MAF: variants seen among roughly 807,000 people sequenced by gnomAD.
The protein encoded by MAF is MAF bZIP transcription factor, also known as transcription factor Maf.
A neutral mutation model predicts 22.0 loss-of-function variants in MAF; 10 were observed. The observed-to-expected ratio is 0.45, with a 90% CI of 0.28 to 0.77. MAF has a LOEUF of 0.77. Among genes scored for constraint, MAF ranks in the 30% least tolerant of loss-of-function variants. MAF has a pLI of 0.12. For synonymous variants in MAF, 337 were observed against 255.8 expected (o/e 1.32, Z -3.03); for missense variants, 544 against 548.4 (o/e 0.99, Z 0.08).
At chr16:79,419,506 G>A in the MAF span, among the ~76,000 whole-genome samples, 1 of 152,204 alleles carries the variant, frequency 6.6e-6, no homozygotes, top group African/African-American at 2.4e-5. Flanking sequence ...GCTTATTGAT[G>A]AGCCTGTTTC....
chr16:79,212,085 T>G, the MAF span: 11 of 1,536,310 alleles, frequency 7.2e-6, no homozygotes, highest in South Asian at 5.9e-5. Context: ...CGTATCTCCC[T>G]GGAGAAGCAC....
rs766881042 is a variant in MAF at position 79,594,509 on chromosome 16, G to A, written c.1163C>T (p.Thr388Ile). The A allele has an allele frequency of 1.9e-6, 3 of 1,567,430 alleles. No individual in the cohort carries two copies. Among genetic ancestry groups the A allele is most frequent in the Non-Finnish European group, 2.6e-6 (3 of 1,153,316 alleles). The change falls in exon 2 of 2, where the codon ACA becomes ATA. Residue 388 changes from threonine to isoleucine, a missense_variant. By Grantham distance (89) the Thr-to-Ile change is moderately conservative. Around this residue, in one of 5 missense-constraint regions of MAF, gnomAD observed 129 missense variants for 113.6 expected, o/e 1.14. Coordinates refer to ENST00000326043, the MANE Select transcript of MAF (RefSeq NM_005360.5). ...RKLEPSVGYA[T>I]FWKPQHRVLT... ...TACACGATGCTGGGGCTTCCAAAAT[G>A]TGGCGTATCCCACTGATGGCTCCAA...
chr16:79,467,911 G>T, the MAF span, among the ~76,000 whole-genome samples: 1 of 151,422 alleles, frequency 6.6e-6, no homozygotes, highest in African/African-American at 2.4e-5. Context: ...TCTCAAGTAA[G>T]TGCATGATGC....
the MAF span, among the ~76,000 whole-genome samples, chr16:79,237,746 G>A: frequency 6.6e-6 from 1 of 152,250 alleles, no homozygotes; most frequent in East Asian, 1.9e-4. Context: ...TATTTGCAGG[G>A]TGCTTACTGT....
chr16:79,253,436 C>T, the MAF span, among the ~76,000 whole-genome samples: 2 of 152,328 alleles, frequency 1.3e-5, no homozygotes, highest in Admixed American at 6.5e-5. Context: ...AACTCCTCCC[C>T]TAGGTTCCCC....
At chr16:79,502,357 C>T in the MAF span, among the ~76,000 whole-genome samples, 1 of 152,084 alleles carries the variant, frequency 6.6e-6, no homozygotes, top group Middle Eastern at 3.2e-3. Flanking sequence ...TTAAGAACAA[C>T]GTGAAAAACA....
chr16:79,565,506 T>G, the MAF span, among the ~76,000 whole-genome samples: 2 of 149,072 alleles, frequency 1.3e-5, no homozygotes, highest in Admixed American at 1.3e-4. Flanking sequence ...TCACGTGTTG[T>G]GGGGGGGGGG....
chr16:79,466,728 C>A, the MAF span, among the ~76,000 whole-genome samples: 1 of 152,216 alleles, frequency 6.6e-6, no homozygotes, highest in Admixed American at 6.5e-5. Context: ...TATTTGGAAT[C>A]TTAGAAGACC....
the MAF span, among the ~76,000 whole-genome samples, chr16:79,524,774 C>G: frequency 2.0e-5 from 3 of 152,082 alleles, no homozygotes; most frequent in African/African-American, 7.2e-5. Flanking sequence ...ATTCTTTATC[C>G]CATTGGATAT....
chr16:79,384,241 C>T, the MAF span, among the ~76,000 whole-genome samples: 2 of 151,234 alleles, frequency 1.3e-5, no homozygotes, highest in Non-Finnish European at 1.5e-5. Flanking sequence ...GTCAGGAGTT[C>T]GAGACCAGCC....
At chr16:79,230,680 A>G in the MAF span, among the ~76,000 whole-genome samples, 1 of 152,102 alleles carries the variant, frequency 6.6e-6, no homozygotes, top group Admixed American at 6.6e-5. Flanking sequence ...AGTATACGAA[A>G]AGAGTTGATG....
the MAF span, among the ~76,000 whole-genome samples, chr16:79,535,190 C>T: frequency 3.1e-4 from 47 of 152,198 alleles, no homozygotes; most frequent in African/African-American, 1.1e-3. Flanking sequence ...TTCTTATTCA[C>T]GCTGAATTTC....
the MAF span, among the ~76,000 whole-genome samples, chr16:79,230,952 G>A: frequency 9.9e-5 from 15 of 152,020 alleles, no homozygotes; most frequent in African/African-American, 2.9e-4. Context: ...CAAAATATAC[G>A]GATATCACTT....
chr16:79,437,136 CTCTCTCTCTCTGTGTGTG>C, the MAF span, among the ~76,000 whole-genome samples: 2,099 of 142,692 alleles, frequency 0.015, 100 homozygotes, highest in East Asian at 0.16. Flanking sequence ...GGAGAAAGCT[CTCTCTCTCTCTGTGTGTG>C]TGTGTGTGTG....
At chr16:79,387,321 T>C in the MAF span, among the ~76,000 whole-genome samples, 1 of 152,260 alleles carries the variant, frequency 6.6e-6, no homozygotes, top group Non-Finnish European at 1.5e-5. Flanking sequence ...AAAGTCATTC[T>C]AATGCACAAA....
chr16:79,440,480 G>C, the MAF span, among the ~76,000 whole-genome samples: 5 of 152,086 alleles, frequency 3.3e-5, no homozygotes, highest in Middle Eastern at 3.2e-3. Flanking sequence ...TTGGTCACCA[G>C]GCTGCAGTGC....
the MAF span, chr16:79,212,363 A>T: frequency 1.8e-6 from 1 of 566,520 alleles, no homozygotes; most frequent in Non-Finnish European, 3.0e-6. Context: ...ACCCAGAGGG[A>T]GTAGAATACG....
At chr16:79,496,055 C>T in the MAF span, among the ~76,000 whole-genome samples, 503 of 152,236 alleles carry the variant, frequency 3.3e-3, 1 homozygote, top group African/African-American at 0.011. Flanking sequence ...CAGCCTTGTG[C>T]GAGACCCTGA....
At chr16:79,209,786 T>C in the MAF span, among the ~76,000 whole-genome samples, 1 of 152,216 alleles carries the variant, frequency 6.6e-6, no homozygotes, top group Non-Finnish European at 1.5e-5. Flanking sequence ...CCACATGGGA[T>C]GCAGAAGAGC....
Sources: gnomAD v4.1 joint callset for allele counts (sites outside exome capture counted in the v4.1 genomes callset) on GRCh38, gnomAD v4.1.1 for gene constraint, gnomAD v4.1.1 regional missense constraint, MANE v1.5 for transcripts, NCBI Gene and HGNC (gene_info 2026-07-23, HGNC 2026-07-21) for gene names.